LPIN1: variants seen among roughly 807,000 people sequenced by gnomAD.
LPIN1 encodes lipin 1.
LPIN1 carries 71 observed loss-of-function variants against 107.5 expected under a neutral mutation model. That is an observed-to-expected ratio of 0.66 (90% CI 0.55 to 0.80). The LOEUF (loss-of-function observed/expected upper bound fraction) is 0.80, where lower values mean the gene tolerates loss of function less well. LPIN1 is among the 30% of genes least tolerant of loss of function. The pLI is 0.00. For missense variants in LPIN1, 1,043 were observed against 1,160.6 expected, an observed-to-expected ratio of 0.90 and a Z score of 1.47; for synonymous variants, 445 against 452.6, an observed-to-expected ratio of 0.98 and a Z score of 0.21.
chr2:11,768,536 G>T (rs963301001), intron 3 of LPIN1, among the ~76,000 whole-genome samples: 1 of 151,998 alleles, frequency 6.6e-6, no homozygotes, highest in Non-Finnish European at 1.5e-5. Context: ...ATGTTTCAAG[G>T]TTCATCCAGG....
intron 1 of LPIN1, among the ~76,000 whole-genome samples, chr2:11,688,855 A>T (rs1309056216): frequency 6.6e-6 from 1 of 152,242 alleles, no homozygotes; most frequent in Non-Finnish European, 1.5e-5. Context: ...ACCCAGGCAG[A>T]AATTGAGTTA....
intron 16 of LPIN1, 110 bp downstream of exon 16, chr2:11,804,681 A>G: frequency 8.5e-7 from 1 of 1,178,046 alleles, no homozygotes; most frequent in South Asian, 1.2e-5. Context: ...CACGGTTCGA[A>G]TTCTGGTGCA....
At chr2:11,791,834 A>G (rs566950581) in intron 12 of LPIN1, 80 bp from the exon 13 acceptor site, 6 of 1,563,132 alleles carry the variant, frequency 3.8e-6, no homozygotes, top group Non-Finnish European at 5.2e-6. Flanking sequence ...TTTAATTTGC[A>G]TGTATGTTTC....
At chr2:11,789,716 C>T (rs1053573103) in intron 12 of LPIN1, among the ~76,000 whole-genome samples, 4 of 151,406 alleles carry the variant, frequency 2.6e-5, no homozygotes, top group African/African-American at 9.7e-5. Flanking sequence ...GTATCCATGG[C>T]CTGGGACACA....
At chr2:11,789,461 G>T (rs1558920593) in intron 12 of LPIN1, among the ~76,000 whole-genome samples, 1 of 151,568 alleles carries the variant, frequency 6.6e-6, no homozygotes, top group Non-Finnish European at 1.5e-5. Context: ...TATATGTGTG[G>T]ATGTGCACGT....
chr2:11,771,804 A>G lies in LPIN1; in HGVS notation c.596+125A>G. The G allele has an allele frequency of 9.5e-7, 1 of 1,051,860 alleles. No homozygotes were observed. The allele number at this position is 1,051,860 out of a possible 1,614,324, so 65.2% of individuals were successfully genotyped here. A position where few individuals can be genotyped will look rare whatever the true frequency, so the allele number is the denominator to read the frequency against. On this transcript the variant is annotated intron_variant, in intron 4 of 20. Transcript: ENST00000674199. This position sits in a 1 kb window ranked among gnomAD's most constrained non-coding sequence, Gnocchi z 4.8. ...ATGTGTTTTAGACCAGTGGTCCCCAACCTTTTTGGCACTAGGGACCAGTTT... is the reference window on the plus strand; with the variant it reads ...ATGTGTTTTAGACCAGTGGTCCCCAGCCTTTTTGGCACTAGGGACCAGTTT...
At chr2:11,768,441 C>T (rs1022393019) in intron 3 of LPIN1, among the ~76,000 whole-genome samples, 1 of 152,164 alleles carries the variant, frequency 6.6e-6, no homozygotes, top group Non-Finnish European at 1.5e-5. Context: ...TACCACTAAC[C>T]TTCCTATCTC....
At chr2:11,735,546 A>G (rs1296744610) in intron 1 of LPIN1, among the ~76,000 whole-genome samples, 1 of 152,168 alleles carries the variant, frequency 6.6e-6, no homozygotes, top group African/African-American at 2.4e-5. Flanking sequence ...CAATCAACCC[A>G]TTAGTCCTTC....
chr2:11,783,156 A>G (rs902577633), intron 8 of LPIN1, among the ~76,000 whole-genome samples: 4 of 152,182 alleles, frequency 2.6e-5, no homozygotes, highest in Admixed American at 2.0e-4. Flanking sequence ...CTAGAATTAT[A>G]TGGACCAATT....
rs750303165 is a variant in LPIN1, at chr2:11,819,442, G to A, written c.2403-42G>A. 4.0e-6 allele frequency: 5 copies of A among 1,251,086 alleles called. No homozygotes were observed. In the Admixed American group the frequency reaches 5.0e-5, roughly 13 times the overall value. The allele number at this position is 1,251,086 out of a possible 1,614,324, so 77.5% of individuals were successfully genotyped here. On this transcript the variant is annotated intron_variant, in intron 18 of 20. Coordinates refer to ENST00000674199, the MANE Select transcript of LPIN1 (RefSeq NM_001349206.2). ...TAAAAACAGTTTGATGCTAAAGGAA[G>A]CTTAGCCTCTCATGTTAATCTGTTA...
chr2:11,729,154 G>C (rs956814839), intron 1 of LPIN1, among the ~76,000 whole-genome samples: 1 of 152,130 alleles, frequency 6.6e-6, no homozygotes, highest in Non-Finnish European at 1.5e-5. Context: ...GTCGGGGAAC[G>C]GGGGCAAGAG....
intron 1 of LPIN1, among the ~76,000 whole-genome samples, chr2:11,747,428 G>T (rs73185104): frequency 0.047 from 7,158 of 152,344 alleles, 370 homozygotes; most frequent in African/African-American, 0.13. Flanking sequence ...TGTGTGGTCA[G>T]TAGTTGCTGG....
intron 1 of LPIN1, among the ~76,000 whole-genome samples, chr2:11,698,637 A>G (rs1662709923): frequency 6.6e-6 from 1 of 152,222 alleles, no homozygotes; most frequent in South Asian, 2.1e-4. Flanking sequence ...TATGAAATAC[A>G]CAGTGTTTTT....
intron 1 of LPIN1, among the ~76,000 whole-genome samples, chr2:11,760,791 C>G (rs1041579543): frequency 6.6e-6 from 1 of 152,132 alleles, no homozygotes; most frequent in Admixed American, 6.5e-5. Flanking sequence ...AAAATACCAA[C>G]AGTAGTTCGT....
chr2:11,781,704 T>A (rs1673593206), intron 7 of LPIN1, among the ~76,000 whole-genome samples: 1 of 152,258 alleles, frequency 6.6e-6, no homozygotes, highest in South Asian at 2.1e-4. Flanking sequence ...GGAACAGATC[T>A]GTGCAGCGTG....
chr2:11,702,270 T>C (rs1662911420), intron 1 of LPIN1, among the ~76,000 whole-genome samples: 1 of 152,220 alleles, frequency 6.6e-6, no homozygotes, highest in Non-Finnish European at 1.5e-5. Context: ...GGCTTAGGGC[T>C]GGCTAGTGTG....
intron 1 of LPIN1, among the ~76,000 whole-genome samples, chr2:11,731,868 C>T (rs1665273217): frequency 6.7e-6 from 1 of 150,070 alleles, no homozygotes; most frequent in Non-Finnish European, 1.5e-5. Flanking sequence ...GCATACATGT[C>T]TTTTGAGAAG....
intron 2 of LPIN1, among the ~76,000 whole-genome samples, chr2:11,766,569 A>G (rs1420256757): frequency 6.6e-6 from 1 of 152,084 alleles, no homozygotes; most frequent in Non-Finnish European, 1.5e-5. Context: ...AGGAGAGGAA[A>G]ACATGCACAC....
At chr2:11,804,648 C>A in intron 16 of LPIN1, 77 bp downstream of exon 16, 1 of 1,455,504 alleles carries the variant, frequency 6.9e-7, no homozygotes, top group Non-Finnish European at 9.6e-7. Context: ...GTGTTGGCAC[C>A]TCTGCTCTCC....
Sources: gnomAD v4.1 joint callset for allele counts (sites outside exome capture counted in the v4.1 genomes callset) on GRCh38, gnomAD v4.1.1 for gene constraint, Gnocchi (gnomAD v3.1) non-coding constraint, MANE v1.5 for transcripts, NCBI Gene and HGNC (gene_info 2026-07-23, HGNC 2026-07-21) for gene names.